Variants in CLASP2 observed in about 807,000 individuals in gnomAD.
CLASP2 encodes the protein cytoplasmic linker associated protein 2.
Under a neutral mutation model 194.4 loss-of-function variants are expected in CLASP2, and 47 were observed. That is an observed-to-expected ratio of 0.24 (90% CI 0.19 to 0.31). The LOEUF (loss-of-function observed/expected upper bound fraction) is 0.31, where lower values mean the gene tolerates loss of function less well. CLASP2 is among the 10% of genes least tolerant of loss of function. The pLI is 1.00. For synonymous variants in CLASP2, 619 were observed against 633.5 expected (o/e 0.98, Z 0.34); for missense variants, 1,445 against 1,823.6 (o/e 0.79, Z 3.78).
chr3:33,707,345 ATT>A (rs2092735093), intron 1 of CLASP2, among the ~76,000 whole-genome samples: 1 of 152,232 alleles, frequency 6.6e-6, no homozygotes, highest in Non-Finnish European at 1.5e-5. Context: ...TAAAAAAACC[ATT>A]GTTTTCACAA....
chr3:33,562,000 T>C (rs1372421905), intron 27 of CLASP2, among the ~76,000 whole-genome samples: 7 of 152,182 alleles, frequency 4.6e-5, no homozygotes, highest in African/African-American at 1.7e-4. Flanking sequence ...TCAATGCATA[T>C]TTTATTTCTT....
chr3:33,514,724 G>A (rs1033042185), intron 36 of CLASP2: 18 of 322,796 alleles, frequency 5.6e-5, no homozygotes, highest in African/African-American at 2.3e-4. Flanking sequence ...CTTGCACACA[G>A]GTGTTTATAG....
rs755648652 is a variant in CLASP2, at chr3:33,593,898, C to T, written c.1966+1053G>A. Among the ~76,000 whole-genome samples the T allele has an allele frequency of 5.9e-5, 9 of 152,082 alleles. 1 individual carries two copies. The highest frequency in any genetic ancestry group is 3.9e-4 in the Admixed American group (6 of 15,264). ...TTGTTCTGTTGCCCAGGCTGGAGTG[C>T]GGTGGCATGATCATGGCTCACTGTA... On this transcript the variant is annotated intron_variant, in intron 20 of 38. Coordinates refer to ENST00000682230, the MANE Select transcript of CLASP2 (RefSeq NM_001365631.1).
rs532001009 is a variant in CLASP2 at position 33,711,081 on chromosome 3, T to C, written c.195+6727A>G. On this transcript the variant is annotated intron_variant, in intron 1 of 38. Coordinates refer to ENST00000682230, the MANE Select transcript of CLASP2 (RefSeq NM_001365631.1). ...ATAGTTGTTTAAGTGAAAGAGTGAA[T>C]GAACTAAGAAAATATAGTATGACTG... Among the ~76,000 whole-genome samples, 9 of 152,204 alleles carry C rather than the reference T, an allele frequency of 5.9e-5. No homozygotes were observed. The South Asian group carries it at 1.7e-3, about 28-fold the overall frequency.
intron 16 of CLASP2, among the ~76,000 whole-genome samples, chr3:33,606,341 C>T (rs1025891604): frequency 6.6e-5 from 10 of 152,014 alleles, no homozygotes; most frequent in African/African-American, 2.4e-4. Context: ...GTAGTGCTTC[C>T]CAGGCTTCTA....
At chr3:33,705,548 AG>A (rs1464365057) in intron 1 of CLASP2, among the ~76,000 whole-genome samples, 1 of 152,222 alleles carries the variant, frequency 6.6e-6, no homozygotes, top group African/African-American at 2.4e-5. Context: ...ATACAGAATG[AG>A]ATATCAATAG....
chr3:33,602,024 T>C (rs1442903734), intron 18 of CLASP2, among the ~76,000 whole-genome samples: 1 of 151,858 alleles, frequency 6.6e-6, no homozygotes, highest in Admixed American at 6.6e-5. Flanking sequence ...CCTTTTTTTT[T>C]TTTTTTTTTG....
intron 6 of CLASP2, among the ~76,000 whole-genome samples, chr3:33,667,646 T>C (rs910803666): frequency 6.6e-6 from 1 of 152,096 alleles, no homozygotes; most frequent in Admixed American, 6.6e-5. Context: ...GTATGATCCA[T>C]TTTGAGTTAA....
At chr3:33,672,135 GCCT>G (rs2087396474) in intron 6 of CLASP2, among the ~76,000 whole-genome samples, 1 of 152,248 alleles carries the variant, frequency 6.6e-6, no homozygotes, top group Admixed American at 6.5e-5. Flanking sequence ...CGGGCAGACT[GCCT>G]CCTCAAGTGG....
At chr3:33,549,632 G>A (rs185109487) in intron 30 of CLASP2, among the ~76,000 whole-genome samples, 5 of 152,130 alleles carry the variant, frequency 3.3e-5, no homozygotes, top group South Asian at 2.1e-4. Context: ...ATGGCCTAGC[G>A]TGCAGAATGT....
intron 24 of CLASP2, among the ~76,000 whole-genome samples, chr3:33,575,492 T>A (rs533974386): frequency 6.6e-6 from 1 of 152,116 alleles, no homozygotes; most frequent in African/African-American, 2.4e-5. Flanking sequence ...ATAGGATTAA[T>A]ATCATAATCT....
chr3:33,712,747 G>A (rs1335763163), intron 1 of CLASP2, among the ~76,000 whole-genome samples: 1 of 152,094 alleles, frequency 6.6e-6, no homozygotes, highest in East Asian at 1.9e-4. Flanking sequence ...TGGATCATCT[G>A]AGGTCAGGAG....
chr3:33,705,301 T>G (rs567459267), intron 1 of CLASP2, among the ~76,000 whole-genome samples: 4 of 152,302 alleles, frequency 2.6e-5, no homozygotes, highest in African/African-American at 9.6e-5. Flanking sequence ...AGAGGCTACA[T>G]GTTATATGGT....
chr3:33,592,532 T>C (rs1020568211), intron 20 of CLASP2, 36 bp from the exon 21 acceptor site: 1 of 1,478,572 alleles, frequency 6.8e-7, no homozygotes, highest in Admixed American at 1.8e-5. Flanking sequence ...TAAAAACATT[T>C]TTCTATAATA....
rs1026244128 is a variant in CLASP2 at position 33,584,559 on chromosome 3, C to T, written c.2239+191G>A. 2.0e-5 allele frequency among the ~76,000 whole-genome samples: 3 copies of T among 151,814 alleles called. No individual in the cohort carries two copies. The East Asian group carries it at 5.8e-4, about 29-fold the overall frequency. On this transcript the variant is annotated intron_variant, in intron 22 of 38. Transcript: ENST00000682230. ...GGGATTACAGGCATGAGCCACTGTG[C>T]CAGGCCCTGAATTACACATTTAAGA...
At chr3:33,659,994 T>A (rs2085012074) in intron 7 of CLASP2, among the ~76,000 whole-genome samples, 1 of 152,220 alleles carries the variant, frequency 6.6e-6, no homozygotes, top group East Asian at 1.9e-4. Flanking sequence ...CCAAGAACAA[T>A]TCTTTTCCTA....
At chr3:33,582,311 A>G (rs1424737225) in intron 22 of CLASP2, among the ~76,000 whole-genome samples, 1 of 152,188 alleles carries the variant, frequency 6.6e-6, no homozygotes, top group Non-Finnish European at 1.5e-5. Flanking sequence ...ATACTTATCA[A>G]ATATTAATCT....
At chr3:33,677,464 A>C (rs1293139048) in intron 6 of CLASP2, among the ~76,000 whole-genome samples, 5 of 150,770 alleles carry the variant, frequency 3.3e-5, no homozygotes, top group Non-Finnish European at 5.9e-5. Context: ...ACAAAAAACC[A>C]AACACCGCGT....
chr3:33,611,863 A>G, intron 13 of CLASP2, 138 bp downstream of exon 13: 1 of 636,120 alleles, frequency 1.6e-6, no homozygotes, highest in East Asian at 2.8e-5. Context: ...GATATGATTA[A>G]AAAAACAAAA....
Sources: allele counts gnomAD v4.1 joint callset (sites outside exome capture counted in the v4.1 genomes callset), GRCh38; gene constraint gnomAD v4.1.1; transcripts MANE v1.5; gene names NCBI Gene and HGNC (gene_info 2026-07-23, HGNC 2026-07-21).